PBX1: variants seen among roughly 807,000 people sequenced by gnomAD.
PBX1 encodes PBX homeobox 1, also known as pre-B-cell leukemia transcription factor 1.
PBX1 carries 6 observed loss-of-function variants against 53.4 expected under a neutral mutation model. That is an observed-to-expected ratio of 0.11 (90% CI 0.06 to 0.22). The LOEUF (loss-of-function observed/expected upper bound fraction) is 0.22. PBX1 is among the 10% of genes least tolerant of loss of function. PBX1 has a pLI of 1.00. For missense variants in PBX1, 251 were observed against 551.4 expected (o/e 0.46, Z 5.46); for synonymous variants, 204 against 212.3 (o/e 0.96, Z 0.34).
At chr1:164,596,100 C>CT (rs5778399) in intron 2 of PBX1, among the ~76,000 whole-genome samples, 12 of 144,980 alleles carry the variant, frequency 8.3e-5, no homozygotes, top group African/African-American at 1.3e-4. Context: ...CAGGTCCCCT[C>CT]TTTTTTTTTT....
chr1:164,637,010 A>G (rs558884405), intron 2 of PBX1, among the ~76,000 whole-genome samples: 2 of 152,324 alleles, frequency 1.3e-5, no homozygotes, highest in South Asian at 2.1e-4. Flanking sequence ...GCTCAATTTA[A>G]GAAACAAAAC....
chr1:164,691,011 C>CTTTTTTTT (rs386368555), intron 2 of PBX1, among the ~76,000 whole-genome samples: 6 of 106,476 alleles, frequency 5.6e-5, no homozygotes, highest in African/African-American at 6.9e-5. Flanking sequence ...GTTGTTAAAT[C>CTTTTTTTT]TTTTTTTTTT....
intron 4 of PBX1, among the ~76,000 whole-genome samples, chr1:164,807,143 G>T (rs549723765): frequency 1.9e-4 from 29 of 152,234 alleles, no homozygotes; most frequent in African/African-American, 7.0e-4. Context: ...TGTAATCCCA[G>T]CTACTCAAGA....
In PBX1 at chr1:164,870,334, TTTCTTTCTTTCTTTCTTTCTTTCTTTCG is replaced by T. The variant is rs1289199556; in HGVS notation, n.258-28853_258-28826del. Among the ~76,000 whole-genome samples, 63 of 119,672 alleles carry T rather than the reference TTTCTTTCTTTCTTTCTTTCTTTCTTTCG, an allele frequency of 5.3e-4. 3 individuals are homozygous for T. Among genetic ancestry groups the T allele is most frequent in the South Asian group, 1.5e-3 (5 of 3,416 alleles). 78.5% of individuals were successfully genotyped at this position (119,672 alleles called of 152,430 possible). The stretch of plus-strand genomic sequence containing the variant: ...CTTTCTTTCTTTCTTTCTTTCTTTC[TTTCTTTCTTTCTTTCTTTCTTTCTTTCG>T]AGATGAAGTCTTGCTCTGTCTCCCC... On this transcript the variant is annotated intron_variant and non_coding_transcript_variant, in intron 2 of 2. Coordinates refer to the PBX1 transcript ENST00000558796.
At chr1:164,682,628 CT>C (rs1240136062) in intron 2 of PBX1, 1 of 152,020 alleles carries the variant, frequency 6.6e-6, no homozygotes, top group African/African-American at 2.4e-5. Context: ...ATTATGTGCC[CT>C]AAGGATCACC....
intron 2 of PBX1, among the ~76,000 whole-genome samples, chr1:164,879,609 G>A (rs181119275): frequency 1.3e-3 from 199 of 152,324 alleles, no homozygotes; most frequent in Middle Eastern, 3.4e-3. Flanking sequence ...ATAGGACACA[G>A]CTCAACTCAT....
chr1:164,860,401 A>G lies in PBX1; in HGVS notation n.257+28918A>G, dbSNP rs575121340. On this transcript the variant is annotated intron_variant and non_coding_transcript_variant, in intron 2 of 2. Transcript: ENST00000558796. Reference sequence around the variant, plus strand: ...AAAATGATAGATAATGAACATTCTGAATTCTGAGGGGGCTTTATTAATCTT... The same window carrying G: ...AAAATGATAGATAATGAACATTCTGGATTCTGAGGGGGCTTTATTAATCTT... 3.3e-5 allele frequency among the ~76,000 whole-genome samples: 5 copies of G among 152,290 alleles called. No homozygotes were observed. The East Asian group carries it at 7.7e-4, about 24-fold the overall frequency.
At chr1:164,862,768 A>T (rs1672130465) in intron 2 of PBX1, among the ~76,000 whole-genome samples, 1 of 152,202 alleles carries the variant, frequency 6.6e-6, no homozygotes, top group Non-Finnish European at 1.5e-5. Context: ...TTGCCAATAG[A>T]TGCTACAGTG....
chr1:164,684,225 G>C (rs1314854916), intron 2 of PBX1: 5 of 152,170 alleles, frequency 3.3e-5, no homozygotes, highest in African/African-American at 1.2e-4. Context: ...TTAAGCTCAA[G>C]GGTCTTGTTT....
intron 2 of PBX1, among the ~76,000 whole-genome samples, chr1:164,611,440 G>A (rs2800786): frequency 2.0e-5 from 3 of 151,536 alleles, no homozygotes; most frequent in South Asian, 2.1e-4. Flanking sequence ...GGGTTTCACC[G>A]TGTTAGCCAG....
At chr1:164,826,906 G>A (rs1403237546) in intron 8 of PBX1, among the ~76,000 whole-genome samples, 1 of 152,118 alleles carries the variant, frequency 6.6e-6, no homozygotes, top group African/African-American at 2.4e-5. Flanking sequence ...ATCTTGCTTT[G>A]TAATCATTAT....
chr1:164,756,717 CA>C (rs1470223212), intron 2 of PBX1, among the ~76,000 whole-genome samples: 1 of 152,080 alleles, frequency 6.6e-6, no homozygotes, highest in African/African-American at 2.4e-5. Context: ...GTTTATAAAA[CA>C]AATAGAAGAT....
At position 164,563,737 on chromosome 1, in the gene PBX1, T is replaced by C. The variant is rs973905561; in HGVS notation, c.265+426T>C. On this transcript the variant is annotated intron_variant, in intron 2 of 8. Transcript: ENST00000420696. ...TGAAAGTTTCCTTTCCTTTTTTTCT[T>C]GTAATTACACAAAGCAGCAGACTAG... is the stretch of plus-strand genomic sequence containing the variant. Among the ~76,000 whole-genome samples the C allele has an allele frequency of 3.9e-5, 6 of 152,286 alleles. No individual in the cohort carries two copies. The East Asian group carries it at 1.2e-3, about 29-fold the overall frequency.
In PBX1 at chr1:164,849,466, A is replaced by G; in HGVS notation, c.*2790A>G. 1 of 1,534,236 alleles carries G rather than the reference A, an allele frequency of 6.5e-7. No homozygotes were observed. Among genetic ancestry groups the G allele is most frequent in the East Asian group, 2.4e-5 (1 of 40,874 alleles). On this transcript the variant is annotated 3_prime_UTR_variant, in exon 9 of 9. Coordinates refer to ENST00000420696, the MANE Select transcript of PBX1 (RefSeq NM_002585.4). ...GCAGCAGGATGGGTTTGGAAAGAGC[A>G]TGCCTCTGGAAACACAGCTTCCTGG...
At chr1:164,649,061 C>G (rs1446333993) in intron 2 of PBX1, among the ~76,000 whole-genome samples, 2 of 152,008 alleles carry the variant, frequency 1.3e-5, no homozygotes, top group Non-Finnish European at 2.9e-5. Context: ...CATTCTGGAC[C>G]TGGATCATTT....
chr1:164,560,849 T>C (rs1221419385), intron 1 of PBX1, among the ~76,000 whole-genome samples: 1 of 152,216 alleles, frequency 6.6e-6, no homozygotes, highest in East Asian at 1.9e-4. Flanking sequence ...TCCCCCATGC[T>C]TCTTTCAGGA....
intron 2 of PBX1, among the ~76,000 whole-genome samples, chr1:164,786,814 T>C (rs921472134): frequency 3.9e-5 from 6 of 151,912 alleles, no homozygotes; most frequent in Admixed American, 3.9e-4. Flanking sequence ...TGTAGAGGAC[T>C]GAAGTGTCTG....
chr1:164,798,281 G>A, intron 3 of PBX1, among the ~76,000 whole-genome samples: 1 of 152,238 alleles, frequency 6.6e-6, no homozygotes, highest in East Asian at 1.9e-4. Context: ...GCAATGCAAT[G>A]TTATCAATAA....
chr1:164,880,920 G>A lies in PBX1; in HGVS notation n.258-18268G>A, dbSNP rs1023859104. Among the ~76,000 whole-genome samples the A allele has an allele frequency of 3.9e-5, 6 of 152,240 alleles. No homozygotes were observed. The East Asian group carries it at 5.8e-4, about 15-fold the overall frequency. On this transcript the variant is annotated intron_variant and non_coding_transcript_variant, in intron 2 of 2. Coordinates refer to the PBX1 transcript ENST00000558796. ...CCACTCATTCCAGCAGCCATAAGGC[G>A]AAGGCCAAGAAAATGTGTTAATGGG...
Sources: allele counts gnomAD v4.1 joint callset (sites outside exome capture counted in the v4.1 genomes callset), GRCh38; gene constraint gnomAD v4.1.1; transcripts MANE v1.5; gene names NCBI Gene and HGNC (gene_info 2026-07-23, HGNC 2026-07-21).